The following SOX5 variants were observed in gnomAD, a reference collection of about 807,000 sequenced individuals.
SOX5 encodes SRY-box transcription factor 5.
In SOX5, 9 loss-of-function variants were observed where a neutral mutation model predicts 92.0. The observed-to-expected ratio is 0.10, with a 90% CI of 0.06 to 0.17. SOX5 has a LOEUF of 0.17. Among genes scored for constraint, SOX5 ranks in the 10% least tolerant of loss-of-function variants. The probability of loss-of-function intolerance (pLI) is 1.00; values close to 1 mark genes in which losing one functional copy is unlikely to be tolerated. For missense variants in SOX5, 642 were observed against 944.5 expected (o/e 0.68, Z 4.20); for synonymous variants, 344 against 336.3 (o/e 1.02, Z -0.25).
At chr12:24,165,389 T>A (rs1479199779) in intron 4 of SOX5, among the ~76,000 whole-genome samples, 1 of 152,164 alleles carries the variant, frequency 6.6e-6, no homozygotes, top group African/African-American at 2.4e-5. Context: ...TCATAAACCA[T>A]AAAAATTCCT....
chr12:23,542,517 C>A (rs1374780684), intron 13 of SOX5, among the ~76,000 whole-genome samples: 1 of 152,164 alleles, frequency 6.6e-6, no homozygotes, highest in Non-Finnish European at 1.5e-5. Context: ...TCTCCCCAAC[C>A]ATTTTTCCTG....
chr12:24,529,787 A>C (rs1455027136), intron 1 of SOX5, among the ~76,000 whole-genome samples: 1 of 152,206 alleles, frequency 6.6e-6, no homozygotes, highest in Non-Finnish European at 1.5e-5. Context: ...CAGGAGGCCG[A>C]GGTGGGCAGA....
intron 1 of SOX5, among the ~76,000 whole-genome samples, chr12:24,450,919 G>A (rs1040600825): frequency 6.6e-6 from 1 of 151,940 alleles, no homozygotes; most frequent in African/African-American, 2.4e-5. Flanking sequence ...GATTTTTTGT[G>A]CCCATTAATC....
intron 4 of SOX5, among the ~76,000 whole-genome samples, chr12:24,075,086 AC>A (rs910743918): frequency 2.7e-5 from 4 of 150,070 alleles, no homozygotes; most frequent in South Asian, 2.1e-4. Context: ...ACATAGGGAG[AC>A]CCCATCTCTA....
chr12:23,827,899 C>G (rs1372143748), intron 3 of SOX5, among the ~76,000 whole-genome samples: 2 of 152,252 alleles, frequency 1.3e-5, no homozygotes, highest in East Asian at 3.9e-4. Context: ...AGATTACTGG[C>G]TGTGTTTATT....
intron 6 of SOX5, among the ~76,000 whole-genome samples, chr12:23,716,050 T>C (rs2092473937): frequency 6.6e-6 from 1 of 152,164 alleles, no homozygotes. Flanking sequence ...TTACCAAAAA[T>C]TTGATTCCAA....
At chr12:23,913,261 T>G (rs2097371564) in intron 1 of SOX5, among the ~76,000 whole-genome samples, 1 of 152,184 alleles carries the variant, frequency 6.6e-6, no homozygotes, top group African/African-American at 2.4e-5. Context: ...CAAAAATGTA[T>G]TTCTCATTTC....
At chr12:24,434,863 T>C (rs1205962743) in intron 1 of SOX5, among the ~76,000 whole-genome samples, 5 of 152,242 alleles carry the variant, frequency 3.3e-5, no homozygotes, top group Admixed American at 1.3e-4. Context: ...CTCTTTTCTT[T>C]ATAAATTACC....
In SOX5 at chr12:24,195,185, A is replaced by G. The variant is rs559893185; in HGVS notation, c.-2+18158T>C. Among the ~76,000 whole-genome samples, 4 of 152,218 alleles carry G rather than the reference A, an allele frequency of 2.6e-5. No homozygotes were observed. The South Asian group carries it at 8.3e-4, about 32-fold the overall frequency. ...AAATATTTCTAGGATCAGATCATGA[A>G]TACTAATGAAAAACATTATCACATG... On this transcript the variant is annotated intron_variant, in intron 4 of 4. Transcript: ENST00000446891.
intron 4 of SOX5, among the ~76,000 whole-genome samples, chr12:24,083,147 T>C (rs1207521053): frequency 6.6e-6 from 1 of 152,044 alleles, no homozygotes; most frequent in Admixed American, 6.6e-5. Flanking sequence ...AAACGGCTGA[T>C]AATTTTTCAA....
chr12:24,497,967 C>T (rs1358466077), intron 1 of SOX5, among the ~76,000 whole-genome samples: 2 of 152,104 alleles, frequency 1.3e-5, no homozygotes, highest in South Asian at 2.1e-4. Flanking sequence ...CAACACTGCA[C>T]GTTCCCACCT....
intron 3 of SOX5, among the ~76,000 whole-genome samples, chr12:23,785,806 C>T (rs1344016266): frequency 6.6e-6 from 1 of 152,062 alleles, no homozygotes; most frequent in Non-Finnish European, 1.5e-5. Context: ...ACATAAGACT[C>T]CTTAATTTTA....
chr12:24,167,816 C>A (rs1953599113), intron 4 of SOX5, among the ~76,000 whole-genome samples: 1 of 152,128 alleles, frequency 6.6e-6, no homozygotes, highest in Non-Finnish European at 1.5e-5. Flanking sequence ...ATATACATCC[C>A]CTCAACCGTC....
chr12:24,529,247 A>G (rs908587211), intron 1 of SOX5, among the ~76,000 whole-genome samples: 2 of 152,234 alleles, frequency 1.3e-5, no homozygotes, highest in Non-Finnish European at 2.9e-5. Context: ...AAGAAAGATT[A>G]CACGTGGCTT....
At chr12:24,401,284 A>G (rs10842337) in intron 1 of SOX5, among the ~76,000 whole-genome samples, 27,167 of 151,260 alleles carry the variant, frequency 0.18, 2,517 homozygotes, top group Non-Finnish European at 0.21. Flanking sequence ...CCTGGGAGGC[A>G]GAGGTTGCAG....
intron 3 of SOX5, among the ~76,000 whole-genome samples, chr12:24,250,198 A>G (rs1939753432): frequency 6.6e-6 from 1 of 152,264 alleles, no homozygotes; most frequent in South Asian, 2.1e-4. Context: ...TTATGATGGT[A>G]AAGTTTTTGT....
At chr12:23,612,342 T>C (rs1175409212) in intron 8 of SOX5, among the ~76,000 whole-genome samples, 1 of 152,080 alleles carries the variant, frequency 6.6e-6, no homozygotes, top group Non-Finnish European at 1.5e-5. Context: ...ATGTGACCAA[T>C]GAGATTGTTT....
intron 4 of SOX5, among the ~76,000 whole-genome samples, chr12:23,749,188 A>G (rs554059232): frequency 1.3e-5 from 2 of 151,882 alleles, no homozygotes; most frequent in Non-Finnish European, 2.9e-5. Context: ...AGTTCTTTAC[A>G]TTAAGAAAGA....
At chr12:24,082,404 G>GAAA (rs58736325) in intron 4 of SOX5, among the ~76,000 whole-genome samples, 749 of 73,514 alleles carry the variant, frequency 0.01, 102 homozygotes, top group Middle Eastern at 0.016. Flanking sequence ...CTTTCGAAAA[G>GAAA]AAAAAAAAAA....
Sources: gnomAD v4.1 joint callset for allele counts (sites outside exome capture counted in the v4.1 genomes callset) on GRCh38, gnomAD v4.1.1 for gene constraint, MANE v1.5 for transcripts, NCBI Gene and HGNC (gene_info 2026-07-23, HGNC 2026-07-21) for gene names.